RASGRP1: variants seen among roughly 807,000 people sequenced by gnomAD.
RASGRP1 encodes RAS guanyl-releasing protein 1.
RASGRP1 carries 37 observed loss-of-function variants against 95.1 expected under a neutral mutation model. That is an observed-to-expected ratio of 0.39 (90% CI 0.30 to 0.51). The LOEUF (loss-of-function observed/expected upper bound fraction) is 0.51. RASGRP1 is among the 20% of genes least tolerant of loss of function. The pLI is 0.80. For missense variants in RASGRP1, 711 were observed against 965.4 expected, an observed-to-expected ratio of 0.74 and a Z score of 3.49; for synonymous variants, 325 against 353.4, an observed-to-expected ratio of 0.92 and a Z score of 0.90.
intron 2 of RASGRP1, among the ~76,000 whole-genome samples, chr15:38,531,649 C>T (rs183077223): frequency 3.5e-4 from 54 of 152,244 alleles, no homozygotes; most frequent in Non-Finnish European, 6.9e-4. Context: ...CTCACATGGT[C>T]TCTGTGGGAG....
intron 9 of RASGRP1, 98 bp downstream of exon 9, chr15:38,507,628 C>T (rs1205473263): frequency 7.5e-7 from 1 of 1,339,940 alleles, no homozygotes; most frequent in Non-Finnish European, 1.0e-6. Flanking sequence ...CTTCATAGAG[C>T]CTTTATGAGG....
At chr15:38,501,484 G>A (rs1175450045) in intron 12 of RASGRP1, 197 bp from the exon 13 acceptor site, 6 of 738,130 alleles carry the variant, frequency 8.1e-6, no homozygotes, top group Admixed American at 4.0e-5. Flanking sequence ...AGGTAAGGCA[G>A]CATTACTCAT....
chr15:38,557,806 G>A (rs902058348), intron 2 of RASGRP1, among the ~76,000 whole-genome samples: 3 of 152,046 alleles, frequency 2.0e-5, no homozygotes, highest in Non-Finnish European at 4.4e-5. Context: ...GACTCAACGG[G>A]ACTTTTACAG....
chr15:38,508,178 T>C (rs56204106), intron 8 of RASGRP1, among the ~76,000 whole-genome samples, 177 bp from the exon 9 acceptor site: 1 of 152,190 alleles, frequency 6.6e-6, no homozygotes, highest in South Asian at 2.1e-4. Context: ...ACCTCAGCTA[T>C]GTCAAATATC....
chr15:38,524,214 C>CT (rs924860623), intron 3 of RASGRP1: 5 of 151,780 alleles, frequency 3.3e-5, no homozygotes, highest in African/African-American at 1.2e-4. Flanking sequence ...AGTGAGACCC[C>CT]TCTCCCCGCA....
chr15:38,516,347 A>T lies in RASGRP1; in HGVS notation c.525T>A (p.Asn175Lys). The change falls in exon 6 of 17, where the codon AAT becomes AAA. Residue 175 changes from asparagine to lysine, a missense_variant. Physicochemically the swap from Asn to Lys is moderately conservative, Grantham distance 94 (BLOSUM62 0). Transcript: ENST00000310803. ...HCRLIDTTQI[N>K]ARDWSRKLTQ... is the part of the protein sequence containing the mutation. ...TAAGTTTCCTGGACCAGTCACGGGC[A>T]TTGCTTTTGTGGGTAAATGTGAAAG... 2.5e-6 allele frequency: 4 copies of T among 1,610,148 alleles called. No individual in the cohort carries two copies. Among genetic ancestry groups the T allele is most frequent in the Non-Finnish European group, 1.7e-6 (2 of 1,176,504 alleles).
chr15:38,507,656 G>T, intron 9 of RASGRP1, 70 bp downstream of exon 9: 1 of 1,465,976 alleles, frequency 6.8e-7, no homozygotes, highest in African/African-American at 1.4e-5. Flanking sequence ...GCTAATATTT[G>T]GTAAGGGGTA....
At chr15:38,504,115 G>T (rs1329407448) in intron 10 of RASGRP1, 1 of 152,142 alleles carries the variant, frequency 6.6e-6, no homozygotes, top group Non-Finnish European at 1.5e-5. Context: ...TGTTACACCT[G>T]TATAGGGCAC....
chr15:38,508,220 T>G (rs1891342382), intron 8 of RASGRP1, among the ~76,000 whole-genome samples: 1 of 152,228 alleles, frequency 6.6e-6, no homozygotes, highest in Non-Finnish European at 1.5e-5. Context: ...AAGATATGCT[T>G]GAATCTGTTA....
At position 38,490,055 on chromosome 15, in the gene RASGRP1, G is replaced by A. The variant is rs1203238138; in HGVS notation, c.*499C>T. The A allele has an allele frequency of 1.3e-5, 2 of 152,670 alleles. No individual in the cohort carries two copies. The highest frequency in any genetic ancestry group is 2.9e-5 in the Non-Finnish European group (2 of 68,138). 9.5% of individuals were successfully genotyped at this position (152,670 alleles called of 1,614,324 possible). A position where few individuals can be genotyped will look rare whatever the true frequency, so the allele number is the denominator to read the frequency against. On this transcript the variant is annotated 3_prime_UTR_variant, in exon 17 of 17. Coordinates refer to ENST00000310803, the MANE Select transcript of RASGRP1 (RefSeq NM_005739.4). ...GTACATGGACTAATTGATTAGATCT[G>A]AGGTAGTGAAGAAGGAGCCAGGTTC...
chr15:38,558,992 C>T (rs1228660713), intron 2 of RASGRP1, among the ~76,000 whole-genome samples: 1 of 152,030 alleles, frequency 6.6e-6, no homozygotes, highest in Non-Finnish European at 1.5e-5. Flanking sequence ...TCTGCTTCAC[C>T]GTGGGAGATG....
chr15:38,539,590 C>CT (rs1047650330), intron 2 of RASGRP1, among the ~76,000 whole-genome samples: 62 of 147,926 alleles, frequency 4.2e-4, no homozygotes, highest in Non-Finnish European at 7.9e-4. Context: ...TATTATTATA[C>CT]TTTAAGTTTT....
intron 2 of RASGRP1, among the ~76,000 whole-genome samples, chr15:38,557,186 T>C (rs186399045): frequency 9.9e-4 from 151 of 152,332 alleles, no homozygotes; most frequent in African/African-American, 3.6e-3. Context: ...TATTTTGCTA[T>C]GGGCTTTTCT....
At chr15:38,552,904 T>C (rs552286543) in intron 2 of RASGRP1, among the ~76,000 whole-genome samples, 39 of 152,328 alleles carry the variant, frequency 2.6e-4, no homozygotes, top group African/African-American at 9.1e-4. Flanking sequence ...TAAATCCACA[T>C]CGTTCTATGT....
At chr15:38,527,469 G>C (rs761637655) in intron 2 of RASGRP1, among the ~76,000 whole-genome samples, 1 of 152,174 alleles carries the variant, frequency 6.6e-6, no homozygotes, top group Non-Finnish European at 1.5e-5. Context: ...GGCCCCAAGG[G>C]TGGTAATGAC....
chr15:38,551,302 G>T (rs1489496460), intron 2 of RASGRP1, among the ~76,000 whole-genome samples: 2 of 152,114 alleles, frequency 1.3e-5, no homozygotes, highest in African/African-American at 2.4e-5. Flanking sequence ...ATATCGTGAT[G>T]GAGATACCCC....
intron 10 of RASGRP1, 70 bp from the exon 11 acceptor site, chr15:38,503,446 C>G: frequency 8.6e-7 from 1 of 1,159,894 alleles, no homozygotes; most frequent in Non-Finnish European, 1.3e-6. Context: ...TCTTTCTTTT[C>G]CCACTACCTG....
chr15:38,518,962 A>T (rs1371837557), intron 4 of RASGRP1, among the ~76,000 whole-genome samples: 1 of 152,208 alleles, frequency 6.6e-6, no homozygotes, highest in Non-Finnish European at 1.5e-5. Context: ...AGGTAACTGG[A>T]TATGAGTGAT....
intron 3 of RASGRP1, among the ~76,000 whole-genome samples, chr15:38,525,421 G>T (rs1159048152): frequency 3.9e-5 from 6 of 152,110 alleles, no homozygotes; most frequent in Admixed American, 3.9e-4. Flanking sequence ...TGCAGAAGAG[G>T]CACCCACTTA....
Sources: gnomAD v4.1 joint callset for allele counts (sites outside exome capture counted in the v4.1 genomes callset) on GRCh38, gnomAD v4.1.1 for gene constraint, MANE v1.5 for transcripts, NCBI Gene and HGNC (gene_info 2026-07-23, HGNC 2026-07-21) for gene names.